Variants in USP31 observed in about 807,000 individuals in gnomAD.
USP31 encodes the protein ubiquitin specific peptidase 31, also known as ubiquitin carboxyl-terminal hydrolase 31.
Under a neutral mutation model 119.4 loss-of-function variants are expected in USP31, and 44 were observed. The ratio of observed to expected loss-of-function variants is 0.37; its 90% CI spans 0.29 to 0.47. USP31 has a LOEUF of 0.47. Ranked by LOEUF, USP31 falls within the 20% of genes least tolerant of loss-of-function variation. The pLI is 0.99. For synonymous variants in USP31, 749 were observed against 705.6 expected, an observed-to-expected ratio of 1.06 and a Z score of -0.97; for missense variants, 1,643 against 1,730.2, an observed-to-expected ratio of 0.95 and a Z score of 0.89.
chr16:23,101,489 A>C (rs1279369808), intron 6 of USP31, among the ~76,000 whole-genome samples: 1 of 152,188 alleles, frequency 6.6e-6, no homozygotes, highest in Non-Finnish European at 1.5e-5. Context: ...AATTCAGCTC[A>C]AAAAATCAAG....
chr16:23,123,608 C>T (rs1400706398), intron 1 of USP31, among the ~76,000 whole-genome samples: 3 of 152,036 alleles, frequency 2.0e-5, no homozygotes, highest in Admixed American at 6.6e-5. Context: ...ACTAAAGTTT[C>T]TTAATTTAGT....
At chr16:23,133,091 T>G (rs946639821) in intron 1 of USP31, among the ~76,000 whole-genome samples, 16 of 152,320 alleles carry the variant, frequency 1.1e-4, no homozygotes, top group African/African-American at 3.6e-4. Flanking sequence ...TAAGCTTGTG[T>G]GATGATAGGA....
chr16:23,081,243 C>G (rs1900808767), intron 12 of USP31, among the ~76,000 whole-genome samples: 1 of 152,128 alleles, frequency 6.6e-6, no homozygotes, highest in Non-Finnish European at 1.5e-5. Flanking sequence ...AACAGAAAGC[C>G]CAGGAAATTA....
chr16:23,120,975 T>C (rs1902647904), intron 1 of USP31, among the ~76,000 whole-genome samples: 1 of 151,004 alleles, frequency 6.6e-6, no homozygotes, highest in African/African-American at 2.5e-5. Flanking sequence ...TTGAATACAC[T>C]GACATTTTAT....
rs145139301 is a variant in USP31, at chr16:23,113,001, C to T, written c.634-4818G>A. 9.8e-4 allele frequency among the ~76,000 whole-genome samples: 149 copies of T among 151,490 alleles called. 1 individual carries two copies. The highest frequency in any genetic ancestry group is 3.3e-3 in the African/African-American group (138 of 41,274). On this transcript the variant is annotated intron_variant, in intron 1 of 15. Transcript: ENST00000219689. ...CGAGATCATGCCATTGCACTCCAGC[C>T]TGGGCAACAAGAGCGAAACTCCGTC...
At chr16:23,139,155 C>T (rs1213708293) in intron 1 of USP31, among the ~76,000 whole-genome samples, 3 of 152,156 alleles carry the variant, frequency 2.0e-5, no homozygotes, top group Non-Finnish European at 4.4e-5. Flanking sequence ...GTAATCGCAA[C>T]ACTTTGGGAG....
rs375086213 is a variant in USP31, at chr16:23,087,229, A to G, written c.1528-43T>C. On this transcript the variant is annotated intron_variant, in intron 8 of 15. Transcript: ENST00000219689. Reference sequence around the variant, plus strand: ...TGAGAATTAAGCCAAATTTTTCTTCAAGGGCATCTGTTTCACAGTGGCATT... The same window carrying G: ...TGAGAATTAAGCCAAATTTTTCTTCGAGGGCATCTGTTTCACAGTGGCATT... The G allele has an allele frequency of 7.0e-5, 111 of 1,577,692 alleles. No homozygotes were observed. In the East Asian group the frequency reaches 2.5e-3, roughly 35 times the overall value.
chr16:23,076,345 G>A (rs1018702650), intron 13 of USP31, among the ~76,000 whole-genome samples: 6 of 150,740 alleles, frequency 4.0e-5, no homozygotes, highest in African/African-American at 1.2e-4. Context: ...TCAACAATGC[G>A]AAGAATATTT....
chr16:23,116,673 G>A (rs1377299364), intron 1 of USP31, among the ~76,000 whole-genome samples: 1 of 152,170 alleles, frequency 6.6e-6, no homozygotes, highest in Non-Finnish European at 1.5e-5. Context: ...GCCCTTGAAA[G>A]GGACCCTAAG....
intron 1 of USP31, among the ~76,000 whole-genome samples, chr16:23,109,552 C>T (rs1902237584): frequency 6.6e-6 from 1 of 152,152 alleles, no homozygotes; most frequent in Non-Finnish European, 1.5e-5. Flanking sequence ...GGAGGTAGAG[C>T]TTACCACCCC....
At chr16:23,134,673 C>CT (rs1903131986) in intron 1 of USP31, among the ~76,000 whole-genome samples, 1 of 95,306 alleles carries the variant, frequency 1.0e-5, no homozygotes, top group African/African-American at 3.8e-5. Context: ...AGAAACAAAG[C>CT]TAAAAAAAAA....
intron 6 of USP31, among the ~76,000 whole-genome samples, chr16:23,101,424 G>A (rs1482987180): frequency 6.6e-6 from 1 of 152,150 alleles, no homozygotes; most frequent in Non-Finnish European, 1.5e-5. Context: ...CCAGTAGGGA[G>A]GTGGAAGTCA....
chr16:23,089,044 T>C (rs1901236335), intron 7 of USP31, among the ~76,000 whole-genome samples: 1 of 152,156 alleles, frequency 6.6e-6, no homozygotes, highest in Admixed American at 6.5e-5. Context: ...TACATGTAAA[T>C]CACCCAACCA....
At chr16:23,078,425 C>T (rs886442091) in intron 13 of USP31, among the ~76,000 whole-genome samples, 5 of 152,142 alleles carry the variant, frequency 3.3e-5, no homozygotes, top group South Asian at 2.1e-4. Context: ...CCACTCACCC[C>T]TCACTGTGCT....
At chr16:23,146,123 T>C (rs2141907859) in intron 1 of USP31, among the ~76,000 whole-genome samples, 1 of 151,872 alleles carries the variant, frequency 6.6e-6, no homozygotes, top group Non-Finnish European at 1.5e-5. Flanking sequence ...AAACTGATTT[T>C]CACATTTTGG....
chr16:23,111,453 G>C (rs1025233805), intron 1 of USP31, among the ~76,000 whole-genome samples: 2 of 152,188 alleles, frequency 1.3e-5, no homozygotes, highest in Admixed American at 1.3e-4. Context: ...GGAAGTCCAG[G>C]AAAGAGTTCG....
intron 1 of USP31, among the ~76,000 whole-genome samples, chr16:23,111,887 T>C (rs916630736): frequency 5.3e-5 from 8 of 152,192 alleles, no homozygotes; most frequent in Admixed American, 3.9e-4. Context: ...GTCTACTATA[T>C]TCCAATTAAG....
chr16:23,129,313 G>A (rs1175022437), intron 1 of USP31, among the ~76,000 whole-genome samples: 2 of 152,132 alleles, frequency 1.3e-5, no homozygotes, highest in Non-Finnish European at 2.9e-5. Flanking sequence ...TACATAAAGT[G>A]TAGGAAATAT....
rs529344619 is a variant in USP31, at chr16:23,107,957, T to C, written c.771+89A>G. 50 of 1,427,682 alleles carry C rather than the reference T, an allele frequency of 3.5e-5. No individual in the cohort carries two copies. In the South Asian group the frequency reaches 5.3e-4, roughly 15 times the overall value. The allele number at this position is 1,427,682 out of a possible 1,614,324, so 88.4% of individuals were successfully genotyped here. ...TCACCCAGAGCTTAGTCAATTTCAT[T>C]GTATTAACGCAATGCAACAAGTCCT... On this transcript the variant is annotated intron_variant, in intron 2 of 15. Coordinates refer to ENST00000219689, the MANE Select transcript of USP31 (RefSeq NM_020718.4).
Sources: allele counts gnomAD v4.1 joint callset (sites outside exome capture counted in the v4.1 genomes callset), GRCh38; gene constraint gnomAD v4.1.1; transcripts MANE v1.5; gene names NCBI Gene and HGNC (gene_info 2026-07-23, HGNC 2026-07-21).